Variants in PSME3 observed in about 807,000 individuals in gnomAD.
The protein encoded by PSME3 is proteasome activator complex subunit 3.
A neutral mutation model predicts 38.3 loss-of-function variants in PSME3; 7 were observed. The ratio of observed to expected loss-of-function variants is 0.18; its 90% CI spans 0.10 to 0.34. PSME3 has a LOEUF of 0.34. Among genes scored for constraint, PSME3 ranks in the 10% least tolerant of loss-of-function variants. The pLI, the probability that PSME3 is intolerant of heterozygous loss-of-function variation, is 1.00. For synonymous variants in PSME3, 108 were observed against 105.7 expected (o/e 1.02, Z -0.13); for missense variants, 192 against 307.6 (o/e 0.62, Z 2.81).
intron 4 of PSME3, among the ~76,000 whole-genome samples, chr17:42,835,576 T>G (rs2055452224): frequency 6.6e-6 from 1 of 151,890 alleles, no homozygotes; most frequent in African/African-American, 2.4e-5. Context: ...ATACAAAAAA[T>G]TAACTGGGTG....
In PSME3 at chr17:42,833,537, G is replaced by A; in HGVS notation, c.-95G>A. On this transcript the variant is annotated 5_prime_UTR_variant, in exon 1 of 11. Transcript: ENST00000590720. ...AAGCCAGCAAGGGCGGTCGGGTCCC[G>A]AGGTCAGCCGAGATTTCTCAGGTCC... 6.5e-7 allele frequency: 1 copy of A among 1,536,348 alleles called. No homozygotes were observed. The highest frequency in any genetic ancestry group is 1.7e-5 in the Admixed American group (1 of 58,776).
At chr17:42,840,139 C>T (rs115738248) in intron 10 of PSME3, among the ~76,000 whole-genome samples, 2,528 of 150,464 alleles carry the variant, frequency 0.017, 58 homozygotes, top group African/African-American at 0.058. Flanking sequence ...AAAATTTAGC[C>T]GGGCGTGGCG....
chr17:42,839,177 G>A lies in PSME3; in HGVS notation c.597+11G>A. 1.9e-6 allele frequency: 3 copies of A among 1,576,608 alleles called. No homozygotes were observed. Among genetic ancestry groups the A allele is most frequent in the Non-Finnish European group, 2.6e-6 (3 of 1,145,842 alleles). On this transcript the variant is annotated intron_variant, in intron 9 of 10. Coordinates refer to ENST00000590720, the MANE Select transcript of PSME3 (RefSeq NM_005789.4). ...AAATATCCCCATGTGGTAAGTAAGG[G>A]GTTTGTGGCCTGAGGGTGGAGGTGG...
intron 10 of PSME3, among the ~76,000 whole-genome samples, chr17:42,840,283 C>T (rs1469496476): frequency 1.3e-5 from 2 of 150,536 alleles, no homozygotes; most frequent in Non-Finnish European, 3.0e-5. Flanking sequence ...AACTCCGCCT[C>T]AAATAAAAAT....
At chr17:42,840,871 C>T (rs1370763320) in intron 10 of PSME3, among the ~76,000 whole-genome samples, 1 of 152,124 alleles carries the variant, frequency 6.6e-6, no homozygotes, top group Non-Finnish European at 1.5e-5. Flanking sequence ...CAGTGGCTCA[C>T]GCCTGTAACC....
At chr17:42,837,543 C>T in intron 4 of PSME3, 106 bp from the exon 5 acceptor site, 1 of 1,177,422 alleles carries the variant, frequency 8.5e-7, no homozygotes, top group Non-Finnish European at 1.3e-6. Flanking sequence ...AAATTAATAA[C>T]ATAAGCTATG....
At chr17:42,841,132 CAAAA>C (rs35142424) in intron 10 of PSME3, among the ~76,000 whole-genome samples, 2 of 63,784 alleles carry the variant, frequency 3.1e-5, no homozygotes. Flanking sequence ...GACCGTGTCT[CAAAA>C]AAAAAAAAAA....
rs748694888 is a variant in PSME3, at chr17:42,837,675, T to G, written c.270T>G (p.Asp90Glu). 2.5e-6 allele frequency: 4 copies of G among 1,614,010 alleles called. No individual in the cohort carries two copies. Among genetic ancestry groups the G allele is most frequent in the Non-Finnish European group, 3.4e-6 (4 of 1,180,028 alleles). The change falls in exon 5 of 11, where the codon GAT becomes GAG. Residue 90 changes from aspartate to glutamate, a missense_variant. Asp to Glu is a conservative substitution (Grantham distance 45, BLOSUM62 2). Transcript: ENST00000590720. ...CCACTTATAAGAAGCGAAGGTTGGA[T>G]GAGTGTGAAGAAGCCTTCCAAGGTA... ...DGPTYKKRRL[D>E]ECEEAFQGTK...
At chr17:42,837,006 G>A (rs952661180) in intron 4 of PSME3, among the ~76,000 whole-genome samples, 4 of 150,762 alleles carry the variant, frequency 2.7e-5, no homozygotes, top group Non-Finnish European at 2.9e-5. Flanking sequence ...TCAGCCTTCC[G>A]AGTAGATGGG....
chr17:42,842,300 A>G lies in PSME3; in HGVS notation c.*722A>G, dbSNP rs2055544009. 6.5e-6 allele frequency: 1 copy of G among 152,762 alleles called. No homozygotes were observed. Among genetic ancestry groups the G allele is most frequent in the South Asian group, 2.1e-4 (1 of 4,828 alleles). 9.5% of individuals were successfully genotyped at this position (152,762 alleles called of 1,614,324 possible). A position where few individuals can be genotyped will look rare whatever the true frequency, so the allele number is the denominator to read the frequency against. On this transcript the variant is annotated 3_prime_UTR_variant, in exon 11 of 11. Transcript: ENST00000590720. ...ACCCTCCCTCTCCACAACCCCTGTCACATACCTTTCAGGAGGTGACAGTTG... is the reference window on the plus strand; with the variant it reads ...ACCCTCCCTCTCCACAACCCCTGTCGCATACCTTTCAGGAGGTGACAGTTG...
chr17:42,833,890 C>T, intron 1 of PSME3: 1 of 1,459,700 alleles, frequency 6.9e-7, no homozygotes, highest in East Asian at 2.5e-5. Flanking sequence ...GTCCCGGGGA[C>T]ACCTCCGCGG....
chr17:42,838,979 G>A lies in PSME3; in HGVS notation c.509G>A (p.Ser170Asn). 1 of 1,614,214 alleles carries A rather than the reference G, an allele frequency of 6.2e-7. No homozygotes were observed. Among genetic ancestry groups the A allele is most frequent in the African/African-American group, 1.3e-5 (1 of 75,058 alleles). The change falls in exon 8 of 11, where the codon AGT becomes AAT. Residue 170 changes from serine (S) to asparagine (N), a missense_variant. Around this residue, in one of 2 missense-constraint regions of PSME3, gnomAD observed 82 missense variants for 168.2 expected, o/e 0.49. Coordinates refer to ENST00000590720, the MANE Select transcript of PSME3 (RefSeq NM_005789.4). ...GTTGCAGAGCTAAGAACTGTTGAGA[G>A]TGAAGCTGCATCTTATCTGGACCAG... Reference protein sequence around the residue: ...ETVAELRTVESEAASYLDQIS... With the variant: ...ETVAELRTVENEAASYLDQIS...
chr17:42,836,028 CAG>C (rs368302572), intron 4 of PSME3, among the ~76,000 whole-genome samples: 116 of 137,560 alleles, frequency 8.4e-4, no homozygotes, highest in African/African-American at 3.1e-3. Context: ...TTCCTTGAGA[CAG>C]AGTCTCACTC....
intron 4 of PSME3, among the ~76,000 whole-genome samples, chr17:42,835,317 G>A (rs1422425574): frequency 6.6e-6 from 1 of 152,126 alleles, no homozygotes; most frequent in Non-Finnish European, 1.5e-5. Flanking sequence ...GATTACAGGC[G>A]TGAGTCACTG....
Position 42,834,335 on chromosome 17 carries a change from T to A in PSME3, c.43-9T>A. The stretch of plus-strand genomic sequence containing the variant: ...CCAGGTACTGAATTGCTCTCTTTGT[T>A]AATTTTAGGTTGATTCTTTCAGGGA... On this transcript the variant is annotated splice_polypyrimidine_tract_variant and intron_variant, in intron 1 of 10. Coordinates refer to ENST00000590720, the MANE Select transcript of PSME3 (RefSeq NM_005789.4). 1 of 1,614,144 alleles carries A rather than the reference T, an allele frequency of 6.2e-7. No homozygotes were observed. Among genetic ancestry groups the A allele is most frequent in the Non-Finnish European group, 8.5e-7 (1 of 1,180,010 alleles).
chr17:42,833,424 C>A lies in PSME3; in HGVS notation c.-208C>A. The A allele has an allele frequency of 1.6e-6, 1 of 615,156 alleles. No homozygotes were observed. Among genetic ancestry groups the A allele is most frequent in the Non-Finnish European group, 2.9e-6 (1 of 349,572 alleles). 38.1% of individuals were successfully genotyped at this position (615,156 alleles called of 1,614,324 possible). On this transcript the variant is annotated 5_prime_UTR_variant, in exon 1 of 11. Transcript: ENST00000590720. Reference sequence around the variant, plus strand: ...AGTTTCCGGCGTGAGCGGCGAAAGCCGGGAGGGCGAGCGAGAGAGCAAGCA... The same window carrying A: ...AGTTTCCGGCGTGAGCGGCGAAAGCAGGGAGGGCGAGCGAGAGAGCAAGCA...
intron 10 of PSME3, among the ~76,000 whole-genome samples, chr17:42,840,656 C>T (rs936307446): frequency 2.0e-5 from 3 of 152,106 alleles, no homozygotes; most frequent in Admixed American, 6.5e-5. Context: ...AAAATTCATT[C>T]GCTTTTTTAA....
intron 9 of PSME3, 49 bp downstream of exon 9, chr17:42,839,215 G>C (rs752311685): frequency 6.4e-7 from 1 of 1,561,006 alleles, no homozygotes; most frequent in South Asian, 1.1e-5. Flanking sequence ...GGATAGTGAA[G>C]AGTGACTGTT....
intron 8 of PSME3, 34 bp downstream of exon 8, chr17:42,839,046 G>A (rs778422228): frequency 1.2e-6 from 2 of 1,608,436 alleles, no homozygotes; most frequent in Middle Eastern, 1.7e-4. Flanking sequence ...AGGCGTTGGG[G>A]GCTGATGAGG....
Sources: allele counts gnomAD v4.1 joint callset (sites outside exome capture counted in the v4.1 genomes callset), GRCh38; gene constraint gnomAD v4.1.1; regional missense constraint gnomAD v4.1.1; transcripts MANE v1.5; gene names NCBI Gene and HGNC (gene_info 2026-07-23, HGNC 2026-07-21).